The following LDB2 variants were observed in gnomAD, a reference collection of about 807,000 sequenced individuals.
LDB2 encodes the protein LIM domain binding 2.
In LDB2, 12 loss-of-function variants were observed where a neutral mutation model predicts 44.3. That is an observed-to-expected ratio of 0.27 (90% CI 0.17 to 0.44). The LOEUF is 0.44. Among genes scored for constraint, LDB2 ranks in the 20% least tolerant of loss-of-function variants. The probability of loss-of-function intolerance (pLI) is 1.00; values close to 1 mark genes in which losing one functional copy is unlikely to be tolerated. For missense variants in LDB2, 344 were observed against 473.5 expected (o/e 0.73, Z 2.54); for synonymous variants, 164 against 174.8 (o/e 0.94, Z 0.49).
chr4:16,691,282 A>G (rs552755255), intron 2 of LDB2, among the ~76,000 whole-genome samples: 1 of 152,294 alleles, frequency 6.6e-6, no homozygotes, highest in Admixed American at 6.5e-5. Context: ...TATTCATTCA[A>G]CAAAGAGTTA....
chr4:16,604,245 T>C (rs2152455011), intron 2 of LDB2, among the ~76,000 whole-genome samples: 1 of 152,304 alleles, frequency 6.6e-6, no homozygotes, highest in Non-Finnish European at 1.5e-5. Context: ...TTATGCTAAA[T>C]GGTTAATGGA....
At chr4:16,600,583 T>A (rs1722306274) in intron 2 of LDB2, among the ~76,000 whole-genome samples, 1 of 152,190 alleles carries the variant, frequency 6.6e-6, no homozygotes, top group Non-Finnish European at 1.5e-5. Flanking sequence ...ATGTTACACT[T>A]TATAGGTAAA....
chr4:16,877,061 C>G lies in LDB2; in HGVS notation c.132+21293G>C, dbSNP rs1718638731. ...TAGCTGGGATGGCAGGTGTGTGCCA[C>G]CACACCTAACTAGAGCTTTTATTCC... On this transcript the variant is annotated intron_variant, in intron 1 of 7. Coordinates refer to ENST00000304523, the MANE Select transcript of LDB2 (RefSeq NM_001290.5). 3.3e-5 allele frequency among the ~76,000 whole-genome samples: 5 copies of G among 152,262 alleles called. No individual in the cohort carries two copies. In the South Asian group the frequency reaches 1.0e-3, roughly 32 times the overall value.
At chr4:16,882,631 C>T (rs961099811) in intron 1 of LDB2, among the ~76,000 whole-genome samples, 2 of 151,972 alleles carry the variant, frequency 1.3e-5, no homozygotes, top group Admixed American at 6.6e-5. Context: ...CAGCTTCTAA[C>T]GAAAAATGTC....
chr4:16,712,159 A>T (rs1287996643), intron 2 of LDB2, among the ~76,000 whole-genome samples: 2 of 152,230 alleles, frequency 1.3e-5, no homozygotes, highest in Admixed American at 6.5e-5. Flanking sequence ...TTTTAGAATC[A>T]TATATCCAGT....
At chr4:16,852,609 A>C (rs1475040638) in intron 1 of LDB2, among the ~76,000 whole-genome samples, 1 of 152,228 alleles carries the variant, frequency 6.6e-6, no homozygotes, top group Non-Finnish European at 1.5e-5. Context: ...TAGGAAATTA[A>C]CTTGCTTCAG....
rs1717876403 is a variant in LDB2 at position 16,502,848 on chromosome 4, G to C, written c.917C>G (p.Thr306Ser). 6.2e-7 allele frequency: 1 copy of C among 1,614,068 alleles called. No individual in the cohort carries two copies. The highest frequency in any genetic ancestry group is 8.5e-7 in the Non-Finnish European group (1 of 1,179,974). Residue 306 changes from threonine (T) to serine (S), a missense_variant, in exon 8 of 8, where the codon ACT becomes AGT. Around this residue, in one of 3 missense-constraint regions of LDB2, gnomAD observed 86 missense variants for 171.2 expected, o/e 0.50. Transcript: ENST00000304523. ...GTCCCCAAACTCACCTCCCATCAGAGTTGGCTCTCCTACCACCATCACATC... is the reference window on the plus strand; with the variant it reads ...GTCCCCAAACTCACCTCCCATCAGACTTGGCTCTCCTACCACCATCACATC... ...VPDVMVVGEP[T>S]LMGGEFGDED...
chr4:16,627,757 C>T (rs1341227522), intron 2 of LDB2, among the ~76,000 whole-genome samples: 1 of 152,188 alleles, frequency 6.6e-6, no homozygotes, highest in Non-Finnish European at 1.5e-5. Flanking sequence ...TGACCTGCTT[C>T]TAGCAATAAA....
chr4:16,814,732 A>G (rs1197503997), intron 1 of LDB2, among the ~76,000 whole-genome samples: 1 of 152,234 alleles, frequency 6.6e-6, no homozygotes. Context: ...AAAAGATTAT[A>G]AGCACCTAAG....
At chr4:16,668,485 C>G (rs1160330154) in intron 2 of LDB2, among the ~76,000 whole-genome samples, 1 of 152,218 alleles carries the variant, frequency 6.6e-6, no homozygotes, top group Non-Finnish European at 1.5e-5. Context: ...CTCCTCTGTG[C>G]AGGGACATTT....
intron 5 of LDB2, among the ~76,000 whole-genome samples, chr4:16,528,286 A>T (rs2152294782): frequency 6.6e-6 from 1 of 152,356 alleles, no homozygotes; most frequent in South Asian, 2.1e-4. Flanking sequence ...AGGTACACCA[A>T]AATCTCACAA....
intron 2 of LDB2, among the ~76,000 whole-genome samples, chr4:16,635,813 C>G (rs1317221544): frequency 6.6e-6 from 1 of 152,186 alleles, no homozygotes; most frequent in Admixed American, 6.5e-5. Context: ...AGTTAGCAAA[C>G]CATGTAATCA....
intron 1 of LDB2, among the ~76,000 whole-genome samples, chr4:16,778,120 A>G (rs1772363996): frequency 6.6e-6 from 1 of 152,166 alleles, no homozygotes. Flanking sequence ...TTGGGCACAC[A>G]TATTTGATCT....
At chr4:16,766,051 G>A (rs1176516092) in intron 1 of LDB2, among the ~76,000 whole-genome samples, 8 of 151,972 alleles carry the variant, frequency 5.3e-5, no homozygotes, top group Admixed American at 1.3e-4. Context: ...CCCATTACCC[G>A]GAATTAACAA....
intron 2 of LDB2, among the ~76,000 whole-genome samples, chr4:16,754,474 G>A (rs911754510): frequency 6.6e-6 from 1 of 151,836 alleles, no homozygotes; most frequent in Non-Finnish European, 1.5e-5. Context: ...ATGGTCCTCA[G>A]CTCTTTGATT....
Position 16,545,034 on chromosome 4 carries a change from A to G in LDB2, c.616-32930T>C, listed in dbSNP as rs75999984. 8.3e-3 allele frequency among the ~76,000 whole-genome samples: 1,266 copies of G among 152,218 alleles called. 18 individuals are homozygous for G. Among genetic ancestry groups the G allele is most frequent in the African/African-American group, 0.029 (1,215 of 41,534 alleles). ...GGAGAACCAAGACAGCATGATGCCC[A>G]TACACGAAGGGAAGAAGTATTTCAT... is the stretch of plus-strand genomic sequence containing the variant. On this transcript the variant is annotated intron_variant, in intron 5 of 7. Transcript: ENST00000304523.
chr4:16,640,885 G>T (rs557199582), intron 2 of LDB2, among the ~76,000 whole-genome samples: 65 of 152,266 alleles, frequency 4.3e-4, no homozygotes, highest in African/African-American at 1.4e-3. Context: ...AGGAAATATT[G>T]TCATTTTTAG....
intron 1 of LDB2, among the ~76,000 whole-genome samples, chr4:16,885,580 G>A (rs114985567): frequency 0.017 from 2,657 of 152,228 alleles, 71 homozygotes; most frequent in African/African-American, 0.061. Flanking sequence ...TCCTTCAGAG[G>A]TGTCATAAAT....
chr4:16,640,373 G>A (rs528290262), intron 2 of LDB2, among the ~76,000 whole-genome samples: 12 of 152,288 alleles, frequency 7.9e-5, no homozygotes, highest in South Asian at 2.1e-4. Context: ...ATTATAGATC[G>A]TTAACTGAAA....
Sources: gnomAD v4.1 joint callset for allele counts (sites outside exome capture counted in the v4.1 genomes callset) on GRCh38, gnomAD v4.1.1 for gene constraint, gnomAD v4.1.1 regional missense constraint, MANE v1.5 for transcripts, NCBI Gene and HGNC (gene_info 2026-07-23, HGNC 2026-07-21) for gene names.